The following METTL3 variants were observed in gnomAD, a reference collection of about 807,000 sequenced individuals.
METTL3 encodes the protein methyltransferase 3, N6-adenosine-methyltransferase complex catalytic subunit, also known as N(6)-adenosine-methyltransferase catalytic subunit METTL3.
In METTL3, 42 loss-of-function variants were observed where a neutral mutation model predicts 64.3. The ratio of observed to expected loss-of-function variants is 0.65; its 90% CI spans 0.51 to 0.84. The LOEUF (loss-of-function observed/expected upper bound fraction) is 0.84. Ranked by LOEUF, METTL3 falls within the 40% of genes least tolerant of loss-of-function variation. The pLI is 0.00. For synonymous variants in METTL3, 256 were observed against 263.6 expected (o/e 0.97, Z 0.28); for missense variants, 435 against 722.3 (o/e 0.60, Z 4.56).
intron 3 of METTL3, 147 bp downstream of exon 3, chr14:21,503,026 A>T: frequency 1.1e-6 from 1 of 893,746 alleles, no homozygotes; most frequent in South Asian, 1.7e-5. Context: ...TCCGGACATT[A>T]CCAGATCCCC....
At chr14:21,503,614 G>A (rs752119688) in intron 2 of METTL3, 37 bp from the exon 3 acceptor site, 20 of 1,613,474 alleles carry the variant, frequency 1.2e-5, no homozygotes, top group Non-Finnish European at 1.7e-5. Context: ...ATAAGACACT[G>A]ACCGTGAACT....
chr14:21,502,773 A>G (rs113679382), intron 3 of METTL3: 1 of 174,644 alleles, frequency 5.7e-6, no homozygotes, highest in Admixed American at 5.5e-5. Context: ...ATTCCTCTCC[A>G]TTCATCTCCC....
intron 6 of METTL3, among the ~76,000 whole-genome samples, chr14:21,500,288 T>TGGGAGGTGGAGGTTGCA (rs1212469695): frequency 2.6e-5 from 4 of 151,866 alleles, no homozygotes; most frequent in Non-Finnish European, 5.9e-5. Flanking sequence ...TGCTTGAACC[T>TGGGAGGTGGAGGTTGCA]GGGAGGTGGA....
rs527760070 is a variant in METTL3 at position 21,511,294 on chromosome 14, G to A, written c.-71C>T. 1.3e-6 allele frequency: 2 copies of A among 1,541,034 alleles called. No homozygotes were observed. The highest frequency in any genetic ancestry group is 1.8e-6 in the Non-Finnish European group (2 of 1,141,832). ...TAGCACCTCCCAGCACTCGCTCCAGGATATAGCCAATTCTCACGCGGACAC... is the reference window on the plus strand; with the variant it reads ...TAGCACCTCCCAGCACTCGCTCCAGAATATAGCCAATTCTCACGCGGACAC... On this transcript the variant is annotated 5_prime_UTR_variant, in exon 1 of 11. Coordinates refer to ENST00000298717, the MANE Select transcript of METTL3 (RefSeq NM_019852.5).
intron 10 of METTL3, chr14:21,498,573 G>A (rs753044290): frequency 1.7e-6 from 1 of 594,080 alleles, no homozygotes; most frequent in Admixed American, 3.1e-5. Context: ...GACTGGATCT[G>A]TATTATCTGA....
chr14:21,502,970 C>G (rs534165349), intron 3 of METTL3: 25 of 592,616 alleles, frequency 4.2e-5, no homozygotes, highest in African/African-American at 3.0e-4. Flanking sequence ...CCTCTACCCC[C>G]ACTAGATGCC....
rs374448414 is a variant in METTL3 at position 21,500,985 on chromosome 14, C to T, written c.1044G>A (p.Thr348=). 2.7e-5 allele frequency: 44 copies of T among 1,613,964 alleles called. No individual in the cohort carries two copies. The highest frequency in any genetic ancestry group is 1.9e-4 in the African/African-American group (14 of 74,870). ...DSEAPGSKDH[T]PSQELALTQS... The stretch of plus-strand genomic sequence containing the variant: ...GTGTAAGAGCAAGCTCCTGGCTTGG[C>T]GTGTGGTCTTTGCTGCCAGGGGCCT... The change falls in exon 5 of 11, where the codon ACG becomes ACA. Residue 348 remains threonine (T), a synonymous_variant. Coordinates refer to ENST00000298717, the MANE Select transcript of METTL3 (RefSeq NM_019852.5).
chr14:21,503,222 A>C lies in METTL3; in HGVS notation c.674T>G (p.Ile225Arg). Residue 225 changes from isoleucine to arginine, a missense_variant, in exon 3 of 11, where the codon ATA becomes AGA. Ile to Arg is a moderately conservative substitution (Grantham distance 97). This residue lies in a region of METTL3 where 228 missense variants were observed against 279.6 expected (regional missense o/e 0.82). Transcript: ENST00000298717. The part of the protein sequence containing the change: ...KHAASDVDLE[I>R]ESLLNQQSTK... ...GGACTGTTGGTTCAGAAGGCTCTCT[A>C]TCTCCAGATCAACATCTGAGGCAGC... 2 of 1,614,100 alleles carry C rather than the reference A, an allele frequency of 1.2e-6. No homozygotes were observed. Among genetic ancestry groups the C allele is most frequent in the Non-Finnish European group, 1.7e-6 (2 of 1,179,992 alleles).
rs752998360 is a variant in METTL3 at position 21,498,226 on chromosome 14, C to T, written c.*32G>A. The T allele has an allele frequency of 1.6e-6, 2 of 1,235,834 alleles. No individual in the cohort carries two copies. The highest frequency in any genetic ancestry group is 2.4e-5 in the South Asian group (2 of 83,242). 76.6% of individuals were successfully genotyped at this position (1,235,834 alleles called of 1,614,324 possible). On this transcript the variant is annotated 3_prime_UTR_variant, in exon 11 of 11. Transcript: ENST00000298717. ...TCAGGTTTAGCTTACAGAGCCATGGCTATGGATTCTTAGCTCTGTAAGGAA... is the reference window on the plus strand; with the variant it reads ...TCAGGTTTAGCTTACAGAGCCATGGTTATGGATTCTTAGCTCTGTAAGGAA...
intron 1 of METTL3, 149 bp from the exon 2 acceptor site, chr14:21,504,030 C>T (rs903571694): frequency 6.1e-6 from 4 of 650,582 alleles, no homozygotes; most frequent in South Asian, 1.9e-5. Flanking sequence ...GATTACCTAT[C>T]CTCAATCATA....
At position 21,501,796 on chromosome 14, in the gene METTL3, G is replaced by C. The variant is rs1891573770; in HGVS notation, c.831C>G (p.Asp277Glu). 1 of 1,614,032 alleles carries C rather than the reference G, an allele frequency of 6.2e-7. No homozygotes were observed. The highest frequency in any genetic ancestry group is 8.5e-7 in the Non-Finnish European group (1 of 1,180,038). ...TCATGCACTCCTCCTTGGTTCCATA[G>C]TCACAGAATTCTTGCACTTGGGCCC... ...RGRAQVQEFCDYGTKEECMKA... is the reference protein window; with the variant it reads ...RGRAQVQEFCEYGTKEECMKA... Residue 277 changes from aspartate to glutamate, a missense_variant, in exon 4 of 11, where the codon GAC becomes GAG. This residue lies in a region of METTL3 where 40 missense variants were observed against 89.6 expected (regional missense o/e 0.45). Transcript: ENST00000298717.
At chr14:21,501,418 G>C (rs1891564699) in intron 4 of METTL3, 1 of 546,278 alleles carries the variant, frequency 1.8e-6, no homozygotes, top group South Asian at 2.2e-5. Flanking sequence ...TAAGAGTTTA[G>C]GTTCCTTTTC....
intron 2 of METTL3, 36 bp from the exon 3 acceptor site, chr14:21,503,613 T>C: frequency 6.2e-7 from 1 of 1,613,528 alleles, no homozygotes; most frequent in South Asian, 1.1e-5. Context: ...AATAAGACAC[T>C]GACCGTGAAC....
At chr14:21,505,797 C>G (rs1156809881) in intron 1 of METTL3, among the ~76,000 whole-genome samples, 1 of 152,194 alleles carries the variant, frequency 6.6e-6, no homozygotes, top group Non-Finnish European at 1.5e-5. Context: ...CTCCGCTCTG[C>G]TGCAACTACA....
chr14:21,499,651 G>A, intron 7 of METTL3, 51 bp from the exon 8 acceptor site: 1 of 1,585,124 alleles, frequency 6.3e-7, no homozygotes, highest in Non-Finnish European at 8.7e-7. Flanking sequence ...TTACAGTTTA[G>A]GGGTAGTACC....
At chr14:21,500,342 C>A (rs1265474739) in intron 6 of METTL3, among the ~76,000 whole-genome samples, 153 bp downstream of exon 6, 2 of 143,094 alleles carry the variant, frequency 1.4e-5, no homozygotes, top group Admixed American at 7.2e-5. Context: ...CCAGCCTAAG[C>A]AACACAGTGA....
intron 1 of METTL3, among the ~76,000 whole-genome samples, chr14:21,506,105 G>T (rs1361732243): frequency 2.0e-5 from 3 of 151,194 alleles, no homozygotes; most frequent in African/African-American, 7.3e-5. Context: ...CCAAAATAAA[G>T]ATTTTTTTAA....
At chr14:21,501,985 A>G (rs1891579492) in intron 3 of METTL3, 82 bp from the exon 4 acceptor site, 7 of 1,162,958 alleles carry the variant, frequency 6.0e-6, no homozygotes, top group East Asian at 2.4e-5. Flanking sequence ...TCTTTTTGAC[A>G]TTAATGTCTT....
intron 1 of METTL3, among the ~76,000 whole-genome samples, chr14:21,509,311 G>C (rs1458448156): frequency 6.6e-6 from 1 of 152,218 alleles, no homozygotes; most frequent in Non-Finnish European, 1.5e-5. Context: ...CAGCACTCCA[G>C]CCTGGGTGAC....
Sources: gnomAD v4.1 joint callset for allele counts (sites outside exome capture counted in the v4.1 genomes callset) on GRCh38, gnomAD v4.1.1 for gene constraint, gnomAD v4.1.1 regional missense constraint, MANE v1.5 for transcripts, NCBI Gene and HGNC (gene_info 2026-07-23, HGNC 2026-07-21) for gene names.